KIZ: variants seen among roughly 807,000 people sequenced by gnomAD.
The protein encoded by KIZ is kizuna centrosomal protein, also known as centrosomal protein kizuna.
Under a neutral mutation model 79.6 loss-of-function variants are expected in KIZ, and 68 were observed. That is an observed-to-expected ratio of 0.85 (90% CI 0.70 to 1.05). The LOEUF is 1.05. Among genes scored for constraint, KIZ ranks in the 50% least tolerant of loss-of-function variants. The probability of loss-of-function intolerance (pLI) is 0.00; values close to 1 mark genes in which losing one functional copy is unlikely to be tolerated. For synonymous variants in KIZ, 280 were observed against 281.8 expected (o/e 0.99, Z 0.06); for missense variants, 797 against 800.4 (o/e 1.00, Z 0.05).
At chr20:21,156,459 A>G (rs1009577691) in intron 4 of KIZ, among the ~76,000 whole-genome samples, 3 of 152,192 alleles carry the variant, frequency 2.0e-5, no homozygotes, top group Non-Finnish European at 4.4e-5. Context: ...TTGTAGTGTA[A>G]TGCATTCCTG....
chr20:21,142,759 C>G (rs762770560), intron 3 of KIZ, among the ~76,000 whole-genome samples: 1 of 150,092 alleles, frequency 6.7e-6, no homozygotes, highest in Non-Finnish European at 1.5e-5. Context: ...CCACTGCACT[C>G]CAGCCTGGGT....
At chr20:21,167,952 G>A (rs941730540) in intron 6 of KIZ, among the ~76,000 whole-genome samples, 2 of 152,040 alleles carry the variant, frequency 1.3e-5, no homozygotes, top group African/African-American at 2.4e-5. Context: ...TTAAGTTTTA[G>A]GGTACATGTG....
intron 9 of KIZ, among the ~76,000 whole-genome samples, chr20:21,219,336 G>A (rs1282009412): frequency 6.6e-6 from 1 of 151,862 alleles, no homozygotes; most frequent in African/African-American, 2.4e-5. Context: ...TTTTGAAACA[G>A]GGTCAGGGTC....
intron 6 of KIZ, among the ~76,000 whole-genome samples, chr20:21,174,518 A>G (rs1600454823): frequency 6.6e-6 from 1 of 152,202 alleles, no homozygotes; most frequent in East Asian, 1.9e-4. Flanking sequence ...AATTAGAAAA[A>G]GAAAAAAGAA....
chr20:21,163,513 G>A (rs1414702983), intron 6 of KIZ, among the ~76,000 whole-genome samples: 8 of 152,154 alleles, frequency 5.3e-5, no homozygotes, highest in Admixed American at 2.0e-4. Flanking sequence ...TGAAGTTTTG[G>A]TACCACAGAA....
chr20:21,134,579 G>C (rs1275435646), intron 2 of KIZ, among the ~76,000 whole-genome samples: 1 of 150,802 alleles, frequency 6.6e-6, no homozygotes, highest in Non-Finnish European at 1.5e-5. Flanking sequence ...CTGACATGCT[G>C]TTCCCCCACC....
intron 4 of KIZ, among the ~76,000 whole-genome samples, chr20:21,160,238 C>T (rs1406482601): frequency 1.3e-5 from 2 of 152,126 alleles, no homozygotes; most frequent in East Asian, 1.9e-4. Flanking sequence ...ATGCAGCCTG[C>T]TTGACAGGCC....
chr20:21,183,708 T>G (rs16982553), intron 6 of KIZ, among the ~76,000 whole-genome samples: 2,211 of 152,312 alleles, frequency 0.015, 47 homozygotes, highest in African/African-American at 0.05. Context: ...TTTTGTCCCT[T>G]TTAACCCTTT....
At chr20:21,243,661 T>C (rs1415250522) in intron 11 of KIZ, among the ~76,000 whole-genome samples, 1 of 152,232 alleles carries the variant, frequency 6.6e-6, no homozygotes, top group Non-Finnish European at 1.5e-5. Context: ...CCAGTTTTCT[T>C]GTCATATTGG....
At chr20:21,136,346 T>TC in intron 2 of KIZ, 44 bp from the exon 3 acceptor site, 1 of 1,121,714 alleles carries the variant, frequency 8.9e-7, no homozygotes, top group Non-Finnish European at 1.3e-6. Context: ...CTTAGATTCG[T>TC]CCAAGTCTAG....
At position 21,162,119 on chromosome 20, in the gene KIZ, A is replaced by T; in HGVS notation, c.654A>T (p.Leu218Phe). 1 of 1,612,822 alleles carries T rather than the reference A, an allele frequency of 6.2e-7. No homozygotes were observed. ...AAACTAGTAATGACACACAGTGCTT[A>T]AATAAGTCTGACAACATAGATGGAA... ...VVQTSNDTQC[L>F]NKSDNIDGKA... is the part of the protein sequence containing the mutation. The change falls in exon 5 of 13, where the codon TTA (leucine) becomes TTT (phenylalanine). Residue 218 changes from leucine to phenylalanine, a missense_variant. Physicochemically the swap from Leu to Phe is conservative, Grantham distance 22. Coordinates refer to ENST00000619189, the MANE Select transcript of KIZ (RefSeq NM_018474.6).
At chr20:21,175,061 A>G (rs947476566) in intron 6 of KIZ, among the ~76,000 whole-genome samples, 2 of 152,170 alleles carry the variant, frequency 1.3e-5, no homozygotes, top group African/African-American at 4.8e-5. Context: ...TTGGCACCTC[A>G]ATACTGGTGG....
In KIZ at chr20:21,182,322, T is replaced by C. The variant is rs535546607; in HGVS notation, c.1352+19163T>C. 4.6e-5 allele frequency among the ~76,000 whole-genome samples: 7 copies of C among 152,314 alleles called. No individual in the cohort carries two copies. The South Asian group carries it at 1.5e-3, about 32-fold the overall frequency. On this transcript the variant is annotated intron_variant, in intron 6 of 12. Transcript: ENST00000619189. ...CCCATCTAGACACCACAGCCTTATA[T>C]AGCTTCCAAAGACAGAAAGAGACTC... is the stretch of plus-strand genomic sequence containing the variant.
At chr20:21,210,554 A>G (rs1033181836) in intron 7 of KIZ, among the ~76,000 whole-genome samples, 4 of 152,184 alleles carry the variant, frequency 2.6e-5, no homozygotes, top group African/African-American at 9.7e-5. Context: ...GTTTCAAAGA[A>G]TATCTGTGCA....
intron 9 of KIZ, among the ~76,000 whole-genome samples, chr20:21,224,471 G>A (rs2036599203): frequency 6.6e-6 from 1 of 152,182 alleles, no homozygotes; most frequent in African/African-American, 2.4e-5. Flanking sequence ...TATGTGAAAA[G>A]TAACAATGCT....
intron 11 of KIZ, among the ~76,000 whole-genome samples, chr20:21,242,742 C>T (rs1432441803): frequency 1.3e-5 from 2 of 152,080 alleles, no homozygotes; most frequent in Non-Finnish European, 2.9e-5. Context: ...CCTGCTGCCC[C>T]ACCCCGCCAC....
At chr20:21,183,350 G>T (rs117217344) in intron 6 of KIZ, among the ~76,000 whole-genome samples, 1 of 152,188 alleles carries the variant, frequency 6.6e-6, no homozygotes, top group African/African-American at 2.4e-5. Flanking sequence ...AACCATTGAC[G>T]TGTACATTTT....
At chr20:21,158,546 G>A (rs768836840) in intron 4 of KIZ, 5 of 152,174 alleles carry the variant, frequency 3.3e-5, no homozygotes, top group Non-Finnish European at 7.4e-5. Context: ...AGGATAATAT[G>A]CAGCTGTTAA....
At chr20:21,130,451 G>C (rs558783407) in intron 1 of KIZ, among the ~76,000 whole-genome samples, 1 of 152,224 alleles carries the variant, frequency 6.6e-6, no homozygotes, top group East Asian at 1.9e-4. Flanking sequence ...CATGAACCAA[G>C]TACCCAATTG....
Sources: allele counts gnomAD v4.1 joint callset (sites outside exome capture counted in the v4.1 genomes callset), GRCh38; gene constraint gnomAD v4.1.1; transcripts MANE v1.5; gene names NCBI Gene and HGNC (gene_info 2026-07-23, HGNC 2026-07-21).